VEPH1: variants seen among roughly 807,000 people sequenced by gnomAD.
VEPH1 encodes the protein ventricular zone expressed PH domain containing 1, also known as ventricular zone-expressed PH domain-containing protein homolog 1.
Under a neutral mutation model 85.2 loss-of-function variants are expected in VEPH1, and 80 were observed. The observed-to-expected ratio is 0.94, with a 90% confidence interval of 0.78 to 1.13. The LOEUF (loss-of-function observed/expected upper bound fraction) is 1.13, where lower values mean the gene tolerates loss of function less well. Ranked by LOEUF, VEPH1 falls within the 50% of genes most tolerant of loss-of-function variation. VEPH1 has a pLI of 0.00. For missense variants in VEPH1, 955 were observed against 980.5 expected (o/e 0.97, Z 0.35); for synonymous variants, 297 against 348.0 (o/e 0.85, Z 1.63).
At chr3:157,344,340 CA>C (rs1723949979) in intron 9 of VEPH1, among the ~76,000 whole-genome samples, 1 of 152,198 alleles carries the variant, frequency 6.6e-6, no homozygotes, top group African/African-American at 2.4e-5. Context: ...TCTCAGCATA[CA>C]AAATCAATGT....
chr3:157,311,836 G>C (rs140664744), intron 11 of VEPH1, among the ~76,000 whole-genome samples: 1 of 152,120 alleles, frequency 6.6e-6, no homozygotes, highest in East Asian at 1.9e-4. Flanking sequence ...TGATGCAACA[G>C]TTGAAAATTT....
At chr3:157,459,734 C>T in intron 4 of VEPH1, 1 of 1,419,162 alleles carries the variant, frequency 7.0e-7, no homozygotes, top group Non-Finnish European at 9.2e-7. Flanking sequence ...AAATCATGTT[C>T]ACATTTAAGA....
intron 9 of VEPH1, among the ~76,000 whole-genome samples, chr3:157,336,348 C>A (rs973153741): frequency 2.0e-5 from 3 of 152,174 alleles, no homozygotes; most frequent in Non-Finnish European, 4.4e-5. Flanking sequence ...AGATTATAAC[C>A]TAGCATTACT....
chr3:157,466,588 GTTGTTATC>G (rs1736399226), intron 3 of VEPH1, among the ~76,000 whole-genome samples: 1 of 152,230 alleles, frequency 6.6e-6, no homozygotes, highest in Admixed American at 6.5e-5. Flanking sequence ...AGCAGGAGGT[GTTGTTATC>G]CCAATTTTAG....
At chr3:157,459,832 AC>A in intron 4 of VEPH1, 1 of 1,516,732 alleles carries the variant, frequency 6.6e-7, no homozygotes. Context: ...TTCATACCCC[AC>A]TGAGTGACGT....
chr3:157,432,828 A>C (rs982295116), intron 4 of VEPH1, among the ~76,000 whole-genome samples: 2 of 152,162 alleles, frequency 1.3e-5, no homozygotes, highest in Non-Finnish European at 2.9e-5. Flanking sequence ...CATATTGACT[A>C]ATTTGGCATA....
At chr3:157,341,000 C>T (rs1723490701) in intron 9 of VEPH1, among the ~76,000 whole-genome samples, 1 of 152,144 alleles carries the variant, frequency 6.6e-6, no homozygotes, top group African/African-American at 2.4e-5. Context: ...ACAGGAAGGA[C>T]ATCCACACCA....
chr3:157,271,916 C>T (rs1338624080), intron 12 of VEPH1, among the ~76,000 whole-genome samples: 1 of 152,196 alleles, frequency 6.6e-6, no homozygotes, highest in East Asian at 1.9e-4. Flanking sequence ...TAAACTCCAT[C>T]AAGTTCAAGA....
intron 9 of VEPH1, among the ~76,000 whole-genome samples, chr3:157,342,571 A>T (rs1391951060): frequency 6.6e-6 from 1 of 152,216 alleles, no homozygotes; most frequent in Non-Finnish European, 1.5e-5. Flanking sequence ...CCCACACAAT[A>T]ATAATGGGAC....
chr3:157,393,845 T>C (rs1730115305), intron 6 of VEPH1, among the ~76,000 whole-genome samples: 1 of 152,212 alleles, frequency 6.6e-6, no homozygotes, highest in Non-Finnish European at 1.5e-5. Context: ...AGGTATATGA[T>C]TGTTTTTCCT....
At chr3:157,346,615 T>A (rs906938770) in intron 9 of VEPH1, among the ~76,000 whole-genome samples, 1 of 152,146 alleles carries the variant, frequency 6.6e-6, no homozygotes, top group African/African-American at 2.4e-5. Context: ...AAATACTTTT[T>A]TTTTTCTTTT....
chr3:157,412,485 G>C (rs1731603940), intron 6 of VEPH1, among the ~76,000 whole-genome samples: 1 of 152,090 alleles, frequency 6.6e-6, no homozygotes, highest in African/African-American at 2.4e-5. Flanking sequence ...TCACACCTCA[G>C]AGGTTGAATT....
intron 5 of VEPH1, among the ~76,000 whole-genome samples, chr3:157,418,206 G>A (rs1933566811): frequency 6.6e-6 from 1 of 152,158 alleles, no homozygotes; most frequent in African/African-American, 2.4e-5. Context: ...AAGTAAAGGA[G>A]GGCCCAAACA....
intron 6 of VEPH1, among the ~76,000 whole-genome samples, chr3:157,412,473 C>G (rs531824450): frequency 3.5e-4 from 53 of 152,218 alleles, no homozygotes; most frequent in African/African-American, 1.2e-3. Context: ...GATTTGATGG[C>G]CTCACACCTC....
At chr3:157,322,246 T>A (rs763681083) in intron 9 of VEPH1, among the ~76,000 whole-genome samples, 1 of 152,228 alleles carries the variant, frequency 6.6e-6, no homozygotes, top group Non-Finnish European at 1.5e-5. Context: ...TCACTTAGCA[T>A]AATATCTTCA....
At chr3:157,355,921 A>G (rs530959173) in intron 9 of VEPH1, among the ~76,000 whole-genome samples, 1 of 143,844 alleles carries the variant, frequency 7.0e-6, no homozygotes, top group Admixed American at 7.0e-5. Context: ...TTTTTTTGAG[A>G]CTGGGTCTCT....
chr3:157,339,541 T>G (rs1037428736), intron 9 of VEPH1, among the ~76,000 whole-genome samples: 2 of 152,164 alleles, frequency 1.3e-5, no homozygotes, highest in Admixed American at 1.3e-4. Context: ...CCACTGCTCT[T>G]ATGATATTGA....
At chr3:157,285,505 A>C (rs150801673) in intron 12 of VEPH1, among the ~76,000 whole-genome samples, 13 of 152,328 alleles carry the variant, frequency 8.5e-5, no homozygotes, top group African/African-American at 3.1e-4. Context: ...AAATCCTAAA[A>C]TTAAAGGACC....
intron 12 of VEPH1, among the ~76,000 whole-genome samples, chr3:157,280,962 A>G (rs1716020133): frequency 6.6e-6 from 1 of 152,200 alleles, no homozygotes; most frequent in Non-Finnish European, 1.5e-5. Flanking sequence ...TTTACTGTCC[A>G]GAGGGAAAGA....
Sources: gnomAD v4.1 joint callset for allele counts (sites outside exome capture counted in the v4.1 genomes callset) on GRCh38, gnomAD v4.1.1 for gene constraint, MANE v1.5 for transcripts, NCBI Gene and HGNC (gene_info 2026-07-23, HGNC 2026-07-21) for gene names.